GALNT17: variants seen among roughly 807,000 people sequenced by gnomAD.
GALNT17 encodes polypeptide N-acetylgalactosaminyltransferase 17.
Under a neutral mutation model 63.7 loss-of-function variants are expected in GALNT17, and 29 were observed. The ratio of observed to expected loss-of-function variants is 0.46; its 90% CI spans 0.34 to 0.62. The LOEUF (loss-of-function observed/expected upper bound fraction) is 0.62. GALNT17 is among the 20% of genes least tolerant of loss of function. The probability of loss-of-function intolerance (pLI) is 0.01; values close to 1 mark genes in which losing one functional copy is unlikely to be tolerated. For synonymous variants in GALNT17, 305 were observed against 318.3 expected (o/e 0.96, Z 0.45); for missense variants, 603 against 799.6 (o/e 0.75, Z 2.97).
At chr7:71,701,494 A>T (rs545190045) in intron 9 of GALNT17, among the ~76,000 whole-genome samples, 2 of 148,828 alleles carry the variant, frequency 1.3e-5, no homozygotes, top group African/African-American at 5.0e-5. Flanking sequence ...CTCAAAAAAG[A>T]AAAAAAAAAG....
chr7:71,185,633 G>A (rs370899385), intron 1 of GALNT17, among the ~76,000 whole-genome samples: 6 of 145,374 alleles, frequency 4.1e-5, no homozygotes, highest in Non-Finnish European at 7.5e-5. Context: ...TCAGCCTCCC[G>A]AGTAGCTGGG....
chr7:71,677,228 A>C lies in GALNT17; in HGVS notation c.1422A>C (p.Ala474=). The part of the protein sequence containing the change: ...VAYGELRNNK[A]KDVCLDQGPL... ...TCTTGCAGCTTCGCAACAACAAGGCAAAAGACGTCTGCTTGGACCAGGGGC... is the reference window on the plus strand; with the variant it reads ...TCTTGCAGCTTCGCAACAACAAGGCCAAAGACGTCTGCTTGGACCAGGGGC... The change falls in exon 9 of 11, where the codon GCA becomes GCC. Residue 474 remains alanine (A), a synonymous_variant. Coordinates refer to ENST00000333538, the MANE Select transcript of GALNT17 (RefSeq NM_022479.3). 2.5e-6 allele frequency: 4 copies of C among 1,614,022 alleles called. No individual in the cohort carries two copies. Among genetic ancestry groups the C allele is most frequent in the Non-Finnish European group, 3.4e-6 (4 of 1,179,942 alleles).
chr7:71,515,679 A>C (rs147114325), intron 5 of GALNT17, among the ~76,000 whole-genome samples: 3 of 152,256 alleles, frequency 2.0e-5, no homozygotes, highest in Non-Finnish European at 4.4e-5. Flanking sequence ...CACCTTCCTC[A>C]TTCAGATAAT....
chr7:71,198,041 C>CA (rs1197784903), intron 1 of GALNT17, among the ~76,000 whole-genome samples: 2 of 151,412 alleles, frequency 1.3e-5, no homozygotes, highest in Non-Finnish European at 2.9e-5. Context: ...ACTCAAATTA[C>CA]AAAAAAATTA....
intron 7 of GALNT17, among the ~76,000 whole-genome samples, chr7:71,667,795 A>C (rs963453173): frequency 8.2e-6 from 1 of 122,290 alleles, no homozygotes; most frequent in Non-Finnish European, 1.7e-5. Context: ...TTCCTGTTTT[A>C]TAAAGGGGAA....
chr7:71,138,336 C>T (rs1787825647), intron 1 of GALNT17, among the ~76,000 whole-genome samples: 1 of 147,374 alleles, frequency 6.8e-6, no homozygotes, highest in Non-Finnish European at 1.5e-5. Flanking sequence ...AAAAAAAAAT[C>T]ATGTGGAAGA....
chr7:71,204,430 G>A (rs922298792), intron 1 of GALNT17, among the ~76,000 whole-genome samples: 1 of 151,998 alleles, frequency 6.6e-6, no homozygotes, highest in Non-Finnish European at 1.5e-5. Flanking sequence ...TTTTATTTTT[G>A]TAAAAATGTC....
At chr7:71,559,455 T>G (rs1194604763) in intron 5 of GALNT17, among the ~76,000 whole-genome samples, 1 of 152,158 alleles carries the variant, frequency 6.6e-6, no homozygotes, top group Non-Finnish European at 1.5e-5. Context: ...TGCCCTTAGT[T>G]CTGCACTTAT....
chr7:71,403,510 T>C (rs1355574539), intron 3 of GALNT17, among the ~76,000 whole-genome samples: 6 of 152,210 alleles, frequency 3.9e-5, no homozygotes, highest in African/African-American at 1.4e-4. Context: ...CATGTTAGGT[T>C]CTGCAGCCCT....
At chr7:71,669,893 T>C in intron 7 of GALNT17, 79 bp from the exon 8 acceptor site, 1 of 1,559,570 alleles carries the variant, frequency 6.4e-7, no homozygotes, top group South Asian at 1.2e-5. Flanking sequence ...AAGGTTTCCC[T>C]GAAAGTGACT....
At chr7:71,414,126 A>G (rs1241703957) in intron 3 of GALNT17, among the ~76,000 whole-genome samples, 1 of 152,110 alleles carries the variant, frequency 6.6e-6, no homozygotes, top group Non-Finnish European at 1.5e-5. Context: ...CTGTAGTACC[A>G]GCTACTCGGG....
chr7:71,277,893 G>A (rs534178680), intron 1 of GALNT17, among the ~76,000 whole-genome samples: 2 of 152,178 alleles, frequency 1.3e-5, no homozygotes, highest in African/African-American at 2.4e-5. Flanking sequence ...CTTACACCAA[G>A]GGGAAGAAAA....
At chr7:71,255,873 T>C (rs4719095) in intron 1 of GALNT17, among the ~76,000 whole-genome samples, 123,398 of 152,136 alleles carry the variant, frequency 0.81, 50,227 homozygotes, top group East Asian at 0.97. Flanking sequence ...AATGGACCAC[T>C]GTCCTCTCGG....
At chr7:71,218,293 T>C (rs2116413503) in intron 1 of GALNT17, among the ~76,000 whole-genome samples, 1 of 151,994 alleles carries the variant, frequency 6.6e-6, no homozygotes, top group African/African-American at 2.4e-5. Flanking sequence ...ACTTGAGAGG[T>C]TGAGGACTCT....
chr7:71,578,357 C>A (rs1221164967), intron 6 of GALNT17, among the ~76,000 whole-genome samples: 1 of 151,968 alleles, frequency 6.6e-6, no homozygotes, highest in Non-Finnish European at 1.5e-5. Context: ...TATATATAGA[C>A]AAATTCTCAC....
chr7:71,468,488 A>C (rs1320845965), intron 5 of GALNT17, among the ~76,000 whole-genome samples: 1 of 151,492 alleles, frequency 6.6e-6, no homozygotes, highest in Non-Finnish European at 1.5e-5. Flanking sequence ...GCCACCTCGG[A>C]TCACTGCAGC....
chr7:71,299,016 A>G (rs1791138273), intron 1 of GALNT17, among the ~76,000 whole-genome samples: 1 of 152,104 alleles, frequency 6.6e-6, no homozygotes, highest in Non-Finnish European at 1.5e-5. Context: ...GCAACTGACT[A>G]TCGGAGTTCC....
intron 1 of GALNT17, among the ~76,000 whole-genome samples, chr7:71,313,409 C>T (rs963678954): frequency 5.3e-5 from 8 of 152,176 alleles, no homozygotes; most frequent in African/African-American, 1.4e-4. Context: ...GACACTCTTT[C>T]GGTAAATGGA....
At chr7:71,268,019 A>G (rs1790522055) in intron 1 of GALNT17, among the ~76,000 whole-genome samples, 1 of 152,158 alleles carries the variant, frequency 6.6e-6, no homozygotes, top group Non-Finnish European at 1.5e-5. Context: ...GCTGAGAGCA[A>G]TAGGGGCGTG....
Sources: gnomAD v4.1 joint callset for allele counts (sites outside exome capture counted in the v4.1 genomes callset) on GRCh38, gnomAD v4.1.1 for gene constraint, MANE v1.5 for transcripts, NCBI Gene and HGNC (gene_info 2026-07-23, HGNC 2026-07-21) for gene names.